SORCS3: variants seen among roughly 807,000 people sequenced by gnomAD.
SORCS3 encodes sortilin related VPS10 domain containing receptor 3.
Under a neutral mutation model 146.3 loss-of-function variants are expected in SORCS3, and 57 were observed. The ratio of observed to expected loss-of-function variants is 0.39; its 90% CI spans 0.31 to 0.49. The LOEUF is 0.49. SORCS3 is among the 20% of genes least tolerant of loss of function. The probability of loss-of-function intolerance (pLI) is 0.92; values close to 1 mark genes in which losing one functional copy is unlikely to be tolerated. For synonymous variants in SORCS3, 653 were observed against 618.5 expected (o/e 1.06, Z -0.83); for missense variants, 1,341 against 1,575.5 (o/e 0.85, Z 2.52).
intron 1 of SORCS3, among the ~76,000 whole-genome samples, chr10:104,830,062 C>A (rs959463150): frequency 4.6e-5 from 7 of 152,054 alleles, no homozygotes; most frequent in Non-Finnish European, 1.0e-4. Context: ...AGCCCCCCAA[C>A]CCCCGACAGG....
At chr10:104,821,777 T>C (rs2017875800) in intron 1 of SORCS3, among the ~76,000 whole-genome samples, 1 of 152,184 alleles carries the variant, frequency 6.6e-6, no homozygotes, top group African/African-American at 2.4e-5. Context: ...GTTGGCACAA[T>C]AAGTACCCTT....
At chr10:105,255,533 C>T (rs1408160816) in intron 23 of SORCS3, among the ~76,000 whole-genome samples, 169 bp from the exon 24 acceptor site, 1 of 152,180 alleles carries the variant, frequency 6.6e-6, no homozygotes, top group Non-Finnish European at 1.5e-5. Context: ...CTTGGTTTCA[C>T]AAGGCCCCAA....
At chr10:104,836,816 A>T (rs370922161) in intron 1 of SORCS3, among the ~76,000 whole-genome samples, 52 of 152,024 alleles carry the variant, frequency 3.4e-4, no homozygotes, top group African/African-American at 1.0e-3. Context: ...CTCCATCTCC[A>T]TGCTGCTTTT....
At chr10:104,955,099 T>C (rs947386721) in intron 3 of SORCS3, among the ~76,000 whole-genome samples, 1 of 152,200 alleles carries the variant, frequency 6.6e-6, no homozygotes, top group Non-Finnish European at 1.5e-5. Flanking sequence ...CAATGTGGTG[T>C]AATCACTACT....
At chr10:105,238,401 A>C (rs1037035261) in intron 20 of SORCS3, among the ~76,000 whole-genome samples, 49 of 152,314 alleles carry the variant, frequency 3.2e-4, no homozygotes, top group South Asian at 4.1e-4. Context: ...GGAGTGATGG[A>C]TATGCAGACA....
chr10:104,675,816 T>C (rs999312423), intron 1 of SORCS3, among the ~76,000 whole-genome samples: 2 of 152,232 alleles, frequency 1.3e-5, no homozygotes, highest in Non-Finnish European at 2.9e-5. Flanking sequence ...TTATCTTTTT[T>C]TCCTTCATAA....
chr10:105,004,600 G>A (rs893980910), intron 4 of SORCS3, among the ~76,000 whole-genome samples: 1 of 152,120 alleles, frequency 6.6e-6, no homozygotes. Context: ...GATCCCTGCT[G>A]TTTGTTTTTG....
In SORCS3 at chr10:105,105,400, C is replaced by T. The variant is rs143416276; in HGVS notation, c.1097C>T (p.Ala366Val). The change falls in exon 7 of 27, where the codon GCT becomes GTT. Residue 366 changes from alanine to valine, a missense_variant. Coordinates refer to ENST00000369701, the MANE Select transcript of SORCS3 (RefSeq NM_014978.3). ...TCACTCTACCCTCCTGTTTCAGATG[C>T]TCACTACCTCACCTGCAGGATCCAG... ...HMEVRTTDGY[A>V]HYLTCRIQEC... The T allele has an allele frequency of 4.3e-6, 7 of 1,611,144 alleles. No individual in the cohort carries two copies. In the African/African-American group the frequency reaches 9.4e-5, roughly 22 times the overall value.
chr10:104,685,215 T>G (rs1179996460), intron 1 of SORCS3, among the ~76,000 whole-genome samples: 2 of 152,140 alleles, frequency 1.3e-5, no homozygotes, highest in Admixed American at 6.5e-5. Context: ...GAAAGAAGAC[T>G]GAACTAAGCA....
intron 1 of SORCS3, among the ~76,000 whole-genome samples, chr10:104,662,371 A>G (rs1001046972): frequency 6.6e-6 from 1 of 152,248 alleles, no homozygotes; most frequent in African/African-American, 2.4e-5. Flanking sequence ...TTTAATCTTC[A>G]TGGTGACTCG....
At chr10:104,973,008 C>T (rs1213816882) in intron 3 of SORCS3, among the ~76,000 whole-genome samples, 12 of 152,102 alleles carry the variant, frequency 7.9e-5, no homozygotes, top group Middle Eastern at 3.4e-3. Context: ...TATTGATTTG[C>T]GTATATTGAA....
intron 2 of SORCS3, among the ~76,000 whole-genome samples, chr10:104,877,108 C>G (rs1467017548): frequency 1.3e-5 from 2 of 152,132 alleles, no homozygotes; most frequent in African/African-American, 4.8e-5. Context: ...GCTTTGGCCT[C>G]TCAAAGTGTT....
At chr10:104,756,149 T>A (rs2017048141) in intron 1 of SORCS3, among the ~76,000 whole-genome samples, 1 of 152,196 alleles carries the variant, frequency 6.6e-6, no homozygotes, top group South Asian at 2.1e-4. Context: ...CTCGCAACAC[T>A]ATTATTAGAG....
rs371987817 is a variant in SORCS3 at position 105,107,041 on chromosome 10, T to A, written c.1212+1526T>A. 3.3e-5 allele frequency among the ~76,000 whole-genome samples: 5 copies of A among 152,292 alleles called. No individual in the cohort carries two copies. The East Asian group carries it at 5.8e-4, about 18-fold the overall frequency. ...CAAGTCAGTGAGCTGTGACCTCATG[T>A]ACTGCAGCCTTCCATATCAAATAAC... is the stretch of plus-strand genomic sequence containing the variant. On this transcript the variant is annotated intron_variant, in intron 7 of 26. Transcript: ENST00000369701.
chr10:104,741,134 ATTTTTTTTTTTT>A (rs34447542), intron 1 of SORCS3, among the ~76,000 whole-genome samples: 2 of 104,900 alleles, frequency 1.9e-5, no homozygotes, highest in Non-Finnish European at 3.7e-5. Context: ...GATAATTTAA[ATTTTTTTTTTTT>A]TTTTTTTTTT....
At chr10:105,040,637 C>G (rs1381447613) in intron 4 of SORCS3, among the ~76,000 whole-genome samples, 2 of 152,054 alleles carry the variant, frequency 1.3e-5, no homozygotes, top group Non-Finnish European at 2.9e-5. Context: ...CTGTTTGCTT[C>G]CTAAACAATT....
At chr10:104,679,847 A>G (rs1348218789) in intron 1 of SORCS3, among the ~76,000 whole-genome samples, 1 of 152,252 alleles carries the variant, frequency 6.6e-6, no homozygotes, top group Non-Finnish European at 1.5e-5. Flanking sequence ...AATATTCATG[A>G]AAAGCACAGT....
chr10:105,048,398 G>A lies in SORCS3; in HGVS notation c.1028+5270G>A, dbSNP rs1404072435. On this transcript the variant is annotated intron_variant, in intron 5 of 26. Transcript: ENST00000369701. The stretch of plus-strand genomic sequence containing the variant: ...TGTCCTTTGTAGGGACATGGATGAA[G>A]CTGGAAACCATCATTCTCAGCAAAC... Among the ~76,000 whole-genome samples, 3 of 151,356 alleles carry A rather than the reference G, an allele frequency of 2.0e-5. No homozygotes were observed. In the South Asian group the frequency reaches 6.3e-4, roughly 32 times the overall value.
At chr10:104,956,683 G>C (rs1335131627) in intron 3 of SORCS3, among the ~76,000 whole-genome samples, 1 of 151,928 alleles carries the variant, frequency 6.6e-6, no homozygotes, top group Non-Finnish European at 1.5e-5. Flanking sequence ...GGGTTTGACT[G>C]TGTCTTTCTC....
Sources: allele counts gnomAD v4.1 joint callset (sites outside exome capture counted in the v4.1 genomes callset), GRCh38; gene constraint gnomAD v4.1.1; transcripts MANE v1.5; gene names NCBI Gene and HGNC (gene_info 2026-07-23, HGNC 2026-07-21).